The following SDK1 variants were observed in gnomAD, a reference collection of about 807,000 sequenced individuals.
SDK1 encodes sidekick cell adhesion molecule 1.
Under a neutral mutation model 245.5 loss-of-function variants are expected in SDK1, and 157 were observed. The observed-to-expected ratio is 0.64, with a 90% CI of 0.56 to 0.73. The LOEUF (loss-of-function observed/expected upper bound fraction) is 0.73. SDK1 is among the 30% of genes least tolerant of loss of function. The probability of loss-of-function intolerance (pLI) is 0.00; values close to 1 mark genes in which losing one functional copy is unlikely to be tolerated. For synonymous variants in SDK1, 1,647 were observed against 1,278.5 expected, an observed-to-expected ratio of 1.29 and a Z score of -6.15; for missense variants, 3,583 against 3,002.3, an observed-to-expected ratio of 1.19 and a Z score of -4.52.
intron 1 of SDK1, among the ~76,000 whole-genome samples, chr7:3,326,209 A>C (rs1204758237): frequency 6.6e-6 from 1 of 152,128 alleles, no homozygotes; most frequent in African/African-American, 2.4e-5. Flanking sequence ...TTTTCCCTCG[A>C]GATAACCGTT....
intron 1 of SDK1, among the ~76,000 whole-genome samples, chr7:3,611,163 G>A (rs1781576453): frequency 6.6e-6 from 1 of 152,076 alleles, no homozygotes; most frequent in South Asian, 2.1e-4. Context: ...TTTTTAGATT[G>A]ACAGAAGATG....
chr7:3,657,836 G>T (rs1314804461), intron 4 of SDK1, among the ~76,000 whole-genome samples: 1 of 152,318 alleles, frequency 6.6e-6, no homozygotes, highest in East Asian at 1.9e-4. Context: ...CCAATTTTGT[G>T]GATGACTGCA....
At chr7:4,248,276 A>C (rs982108123) in intron 44 of SDK1, among the ~76,000 whole-genome samples, 8 of 151,884 alleles carry the variant, frequency 5.3e-5, no homozygotes, top group Non-Finnish European at 1.0e-4. Flanking sequence ...ACACACCTAA[A>C]TACACACACA....
chr7:3,893,198 A>G (rs1189845008), intron 5 of SDK1, among the ~76,000 whole-genome samples: 1 of 152,130 alleles, frequency 6.6e-6, no homozygotes, highest in South Asian at 2.1e-4. Flanking sequence ...TGTTGAGTCA[A>G]AATCTGATCC....
At chr7:3,691,713 T>C (rs1032404790) in intron 4 of SDK1, among the ~76,000 whole-genome samples, 5 of 152,220 alleles carry the variant, frequency 3.3e-5, no homozygotes, top group African/African-American at 1.2e-4. Flanking sequence ...CTGGAAGGTC[T>C]AGTTTCAGGT....
chr7:3,986,993 C>G (rs767183243), intron 13 of SDK1, among the ~76,000 whole-genome samples, 193 bp from the exon 14 acceptor site: 17 of 152,192 alleles, frequency 1.1e-4, no homozygotes, highest in Non-Finnish European at 2.4e-4. Flanking sequence ...CAAAGTAACA[C>G]TGTGAATAAT....
Position 3,950,978 on chromosome 7 carries a change from C to G in SDK1, c.903C>G (p.Asn301Lys). Residue 301 changes from asparagine to lysine, a missense_variant, in exon 6 of 45, where the codon AAC becomes AAG. Coordinates refer to ENST00000404826, the MANE Select transcript of SDK1 (RefSeq NM_152744.4). The part of the protein sequence containing the change: ...MAPTIVVPPG[N>K]RSVVAGSSET... ...CAACCATTGTGGTTCCCCCGGGCAACAGAAGTGTGGTGGCTGGATCCAGTG... is the reference window on the plus strand; with the variant it reads ...CAACCATTGTGGTTCCCCCGGGCAAGAGAAGTGTGGTGGCTGGATCCAGTG... The G allele has an allele frequency of 1.2e-6, 2 of 1,614,032 alleles. No individual in the cohort carries two copies. The highest frequency in any genetic ancestry group is 1.7e-6 in the Non-Finnish European group (2 of 1,180,008).
chr7:3,911,401 G>A (rs1188320734), intron 5 of SDK1, among the ~76,000 whole-genome samples: 1 of 152,170 alleles, frequency 6.6e-6, no homozygotes, highest in African/African-American at 2.4e-5. Flanking sequence ...TCTGGAGGCT[G>A]TGAAGTCCAA....
intron 4 of SDK1, among the ~76,000 whole-genome samples, chr7:3,778,688 A>G (rs534264911): frequency 1.2e-4 from 19 of 152,374 alleles, no homozygotes; most frequent in Admixed American, 3.3e-4. Flanking sequence ...GTAAACTAAA[A>G]TATATTTAAT....
intron 4 of SDK1, among the ~76,000 whole-genome samples, chr7:3,673,140 G>A (rs908487314): frequency 8.5e-5 from 13 of 152,112 alleles, no homozygotes; most frequent in Non-Finnish European, 1.9e-4. Context: ...GATGCACCAA[G>A]CTTTTCCGAA....
intron 1 of SDK1, among the ~76,000 whole-genome samples, chr7:3,545,192 T>G (rs1779179234): frequency 6.6e-6 from 1 of 152,096 alleles, no homozygotes; most frequent in African/African-American, 2.4e-5. Context: ...TGGGCTCATT[T>G]CCATACTGTG....
intron 18 of SDK1, among the ~76,000 whole-genome samples, chr7:4,050,515 C>T (rs1208068651): frequency 6.6e-6 from 1 of 152,240 alleles, no homozygotes; most frequent in Non-Finnish European, 1.5e-5. Flanking sequence ...CGTCCTGCAG[C>T]ATGTCAACTT....
intron 1 of SDK1, among the ~76,000 whole-genome samples, chr7:3,572,643 G>T (rs1208589901): frequency 6.6e-6 from 1 of 152,018 alleles, no homozygotes; most frequent in Non-Finnish European, 1.5e-5. Context: ...ACTCAGTGAA[G>T]ATAGGCAACT....
chr7:4,225,430 G>A lies in SDK1; in HGVS notation c.5827+4066G>A, dbSNP rs376132197. On this transcript the variant is annotated intron_variant, in intron 40 of 44. Transcript: ENST00000404826. ...GGGAGAGCGGCCTGTGGGATGGGGC[G>A]GTACCAGCCAGACACGGGTGCCTGG... Among the ~76,000 whole-genome samples the A allele has an allele frequency of 3.0e-4, 45 of 152,298 alleles. No individual in the cohort carries two copies. In the South Asian group the frequency reaches 3.3e-3, roughly 11 times the overall value.
intron 1 of SDK1, among the ~76,000 whole-genome samples, chr7:3,367,721 C>A (rs1781127634): frequency 6.6e-6 from 1 of 152,196 alleles, no homozygotes; most frequent in Non-Finnish European, 1.5e-5. Flanking sequence ...CTTCCTTGCT[C>A]TTAGTTTGAG....
chr7:3,565,489 A>G (rs1025190913), intron 1 of SDK1, among the ~76,000 whole-genome samples: 21 of 152,230 alleles, frequency 1.4e-4, no homozygotes, highest in African/African-American at 4.8e-4. Context: ...ATCTAAAGGA[A>G]TAGATAAAAT....
At chr7:3,818,096 T>G (rs533780779) in intron 4 of SDK1, among the ~76,000 whole-genome samples, 2 of 152,348 alleles carry the variant, frequency 1.3e-5, no homozygotes, top group South Asian at 2.1e-4. Flanking sequence ...CCTCTTCTCT[T>G]TACTACTATC....
intron 19 of SDK1, among the ~76,000 whole-genome samples, chr7:4,052,177 C>G (rs978788383): frequency 2.3e-4 from 34 of 147,638 alleles, no homozygotes; most frequent in East Asian, 2.2e-3. Flanking sequence ...ATCCCCCCCC[C>G]CCCGACGTCC....
rs762533739 is a variant in SDK1, at chr7:4,265,293, C to G, written c.6551C>G (p.Pro2184Arg). ...AGSEAGAQLH[P>R]VITTQSAGGV... ...TCCGAGGCGGGCGCGCAGCTGCACC[C>G]GGTCATCACCACGCAGAGCGCGGGC... The change falls in exon 45 of 45, where the codon CCG (proline) becomes CGG (arginine). Residue 2184 changes from proline (P) to arginine (R), a missense_variant. Transcript: ENST00000404826. 4.4e-6 allele frequency: 7 copies of G among 1,581,602 alleles called. No individual in the cohort carries two copies. Among genetic ancestry groups the G allele is most frequent in the Admixed American group, 1.7e-5 (1 of 57,652 alleles).
Sources: allele counts gnomAD v4.1 joint callset (sites outside exome capture counted in the v4.1 genomes callset), GRCh38; gene constraint gnomAD v4.1.1; transcripts MANE v1.5; gene names NCBI Gene and HGNC (gene_info 2026-07-23, HGNC 2026-07-21).